The following MTUS2 variants were observed in gnomAD, a reference collection of about 807,000 sequenced individuals.
The protein encoded by MTUS2 is microtubule-associated tumor suppressor candidate 2.
In MTUS2, 40 loss-of-function variants were observed where a neutral mutation model predicts 114.1. The observed-to-expected ratio is 0.35, with a 90% CI of 0.27 to 0.46. The LOEUF (loss-of-function observed/expected upper bound fraction) is 0.46, where lower values mean the gene tolerates loss of function less well. MTUS2 is among the 20% of genes least tolerant of loss of function. The pLI is 1.00. For missense variants in MTUS2, 1,679 were observed against 1,705.4 expected (o/e 0.98, Z 0.27); for synonymous variants, 688 against 672.0 (o/e 1.02, Z -0.37).
At chr13:28,823,732 A>G (rs1483735532) in intron 1 of MTUS2, among the ~76,000 whole-genome samples, 2 of 152,210 alleles carry the variant, frequency 1.3e-5, no homozygotes. Flanking sequence ...CACCTTGCTG[A>G]TAAAGACATA....
rs143100962 is a variant in MTUS2, at chr13:28,971,245, C to G, written c.-242-53212C>G. On this transcript the variant is annotated intron_variant, in intron 2 of 15. Coordinates refer to ENST00000612955, the MANE Select transcript of MTUS2 (RefSeq NM_001033602.4). ...ATAATCATAATATCCTGACTCATTA[C>G]TGGTAGTGTTGTTCCCTTGATATTG... is the stretch of plus-strand genomic sequence containing the variant. Among the ~76,000 whole-genome samples, 672 of 152,202 alleles carry G rather than the reference C, an allele frequency of 4.4e-3. 4 individuals carry two copies. The highest frequency in any genetic ancestry group is 0.016 in the African/African-American group (648 of 41,526).
chr13:28,834,635 A>T (rs1341522314), intron 1 of MTUS2, among the ~76,000 whole-genome samples: 3 of 152,206 alleles, frequency 2.0e-5, no homozygotes, highest in Non-Finnish European at 4.4e-5. Context: ...ATATTTTCTT[A>T]TATGTAACAA....
chr13:29,387,331 C>T (rs12585130), intron 8 of MTUS2, among the ~76,000 whole-genome samples: 4 of 152,026 alleles, frequency 2.6e-5, no homozygotes, highest in South Asian at 2.1e-4. Flanking sequence ...TTGCAAGTGG[C>T]GGGAGCTTCA....
At chr13:29,194,490 A>G (rs1334659288) in intron 5 of MTUS2, among the ~76,000 whole-genome samples, 1 of 152,240 alleles carries the variant, frequency 6.6e-6, no homozygotes, top group Non-Finnish European at 1.5e-5. Context: ...AAACACATGA[A>G]AAAATGCTCA....
At chr13:29,160,932 T>C (rs1893071128) in intron 5 of MTUS2, among the ~76,000 whole-genome samples, 1 of 152,238 alleles carries the variant, frequency 6.6e-6, no homozygotes, top group African/African-American at 2.4e-5. Context: ...ACATACTGCA[T>C]GACTCCATGT....
At chr13:28,949,368 T>G (rs1343691392) in intron 2 of MTUS2, among the ~76,000 whole-genome samples, 1 of 152,242 alleles carries the variant, frequency 6.6e-6, no homozygotes, top group Admixed American at 6.5e-5. Flanking sequence ...CCAGCTTCTC[T>G]CTGTTTCCAG....
At chr13:29,126,237 CTATGACTGCAG>C (rs1342298847) in intron 5 of MTUS2, among the ~76,000 whole-genome samples, 3 of 152,196 alleles carry the variant, frequency 2.0e-5, no homozygotes, top group Non-Finnish European at 4.4e-5. Flanking sequence ...TTCCTTACCT[CTATGACTGCAG>C]TAACCTTCAA....
At chr13:29,190,819 A>G (rs1375239972) in intron 5 of MTUS2, among the ~76,000 whole-genome samples, 1 of 152,196 alleles carries the variant, frequency 6.6e-6, no homozygotes, top group African/African-American at 2.4e-5. Flanking sequence ...GGTCTGCTAG[A>G]CAGTGAACCT....
chr13:29,441,792 C>T (rs1877898658), intron 9 of MTUS2, among the ~76,000 whole-genome samples: 1 of 152,178 alleles, frequency 6.6e-6, no homozygotes, highest in African/African-American at 2.4e-5. Flanking sequence ...TGCACACACA[C>T]ATGCACACAT....
chr13:29,149,147 A>G (rs940739644), intron 5 of MTUS2, among the ~76,000 whole-genome samples: 2 of 152,200 alleles, frequency 1.3e-5, no homozygotes, highest in African/African-American at 2.4e-5. Flanking sequence ...ATTCTCACCA[A>G]CAGTGTAAAG....
intron 4 of MTUS2, among the ~76,000 whole-genome samples, chr13:29,084,363 TA>T (rs1295887195): frequency 3.4e-3 from 488 of 144,092 alleles, no homozygotes; most frequent in African/African-American, 6.5e-3. Context: ...CCACCCTCCT[TA>T]AAAAAAAAAA....
At position 29,389,463 on chromosome 13, in the gene MTUS2, A is replaced by G. The variant is rs183750871; in HGVS notation, c.3117+29990A>G. Among the ~76,000 whole-genome samples, 52 of 46,280 alleles carry G rather than the reference A, an allele frequency of 1.1e-3. 3 individuals are homozygous for G. Among genetic ancestry groups the G allele is most frequent in the Middle Eastern group, 0.014 (1 of 74 alleles). The allele number at this position is 46,280 out of a possible 152,430, so 30.4% of individuals were successfully genotyped here. A position where few individuals can be genotyped will look rare whatever the true frequency, so the allele number is the denominator to read the frequency against. ...TATGTGTATGTATACACGTGTGTGT[A>G]TGTGTATATGTATACACGTGTGTGT... On this transcript the variant is annotated intron_variant, in intron 8 of 15. Coordinates refer to ENST00000612955, the MANE Select transcript of MTUS2 (RefSeq NM_001033602.4).
chr13:29,136,555 T>G (rs1453784803), intron 5 of MTUS2, among the ~76,000 whole-genome samples: 1 of 152,120 alleles, frequency 6.6e-6, no homozygotes, highest in Non-Finnish European at 1.5e-5. Context: ...TGACTAATGA[T>G]TAAATCAGTC....
rs1255190953 is a variant in MTUS2, at chr13:29,492,626, A to G, written c.3506-20A>G. 4 of 1,601,538 alleles carry G rather than the reference A, an allele frequency of 2.5e-6. No individual in the cohort carries two copies. The African/African-American group carries it at 4.0e-5, about 16-fold the overall frequency. On this transcript the variant is annotated intron_variant, in intron 11 of 15. Transcript: ENST00000612955. ...TTTCAAAAGAAAGACCAACTTGACAATTTAATGTCTTCTTTCCAGAATTGA... is the reference window on the plus strand; with the variant it reads ...TTTCAAAAGAAAGACCAACTTGACAGTTTAATGTCTTCTTTCCAGAATTGA...
intron 1 of MTUS2, among the ~76,000 whole-genome samples, chr13:28,835,234 C>T (rs1397192535): frequency 1.3e-5 from 2 of 152,106 alleles, no homozygotes; most frequent in Non-Finnish European, 1.5e-5. Context: ...ACATAGGAGC[C>T]TCAAACTGGA....
At chr13:29,199,342 A>G (rs1352094897) in intron 5 of MTUS2, among the ~76,000 whole-genome samples, 1 of 152,178 alleles carries the variant, frequency 6.6e-6, no homozygotes, top group Non-Finnish European at 1.5e-5. Context: ...TAAATAGCTC[A>G]TAGTATTTTG....
intron 7 of MTUS2, among the ~76,000 whole-genome samples, chr13:29,334,565 G>C (rs1002768950): frequency 6.6e-6 from 1 of 152,214 alleles, no homozygotes; most frequent in Admixed American, 6.5e-5. Context: ...TCTGCAGAGA[G>C]ATCTGCTGTT....
chr13:29,399,426 A>G (rs1033086914), intron 8 of MTUS2, among the ~76,000 whole-genome samples: 3 of 152,194 alleles, frequency 2.0e-5, no homozygotes, highest in African/African-American at 4.8e-5. Context: ...CCCATCTCCT[A>G]TTCAAGATGC....
intron 4 of MTUS2, among the ~76,000 whole-genome samples, chr13:29,068,116 T>C (rs1565990491): frequency 6.6e-6 from 1 of 152,240 alleles, no homozygotes; most frequent in Non-Finnish European, 1.5e-5. Context: ...GATGGTCTTA[T>C]TATAATTCCT....
Sources: gnomAD v4.1 joint callset for allele counts (sites outside exome capture counted in the v4.1 genomes callset) on GRCh38, gnomAD v4.1.1 for gene constraint, MANE v1.5 for transcripts, NCBI Gene and HGNC (gene_info 2026-07-23, HGNC 2026-07-21) for gene names.